PEBP4: variants seen among roughly 807,000 people sequenced by gnomAD.
PEBP4 encodes the protein phosphatidylethanolamine binding protein 4.
PEBP4 carries 22 observed loss-of-function variants against 23.9 expected under a neutral mutation model. That is an observed-to-expected ratio of 0.92 (90% confidence interval 0.66 to 1.31). The LOEUF is 1.31. Among genes scored for constraint, PEBP4 ranks in the 40% most tolerant of loss-of-function variants. PEBP4 has a pLI of 0.00. For synonymous variants in PEBP4, 112 were observed against 99.3 expected, an observed-to-expected ratio of 1.13 and a Z score of -0.76; for missense variants, 324 against 281.7, an observed-to-expected ratio of 1.15 and a Z score of -1.07.
intron 4 of PEBP4, among the ~76,000 whole-genome samples, chr8:22,793,690 T>C (rs182506770): frequency 3.5e-4 from 54 of 152,294 alleles, no homozygotes; most frequent in East Asian, 3.5e-3. Context: ...ATGAGTAGCA[T>C]TGTGGATGAA....
At chr8:22,894,786 G>A (rs1808559780) in intron 3 of PEBP4, among the ~76,000 whole-genome samples, 2 of 152,198 alleles carry the variant, frequency 1.3e-5, no homozygotes, top group Admixed American at 1.3e-4. Context: ...TCTTATGGGA[G>A]ATGGTGTTGA....
intron 2 of PEBP4, among the ~76,000 whole-genome samples, chr8:22,920,566 C>A (rs1327712726): frequency 6.6e-6 from 1 of 152,194 alleles, no homozygotes; most frequent in Non-Finnish European, 1.5e-5. Flanking sequence ...ATGGTCAGAA[C>A]AGAACCTGGC....
At chr8:22,717,851 G>C (rs1804446145) in intron 6 of PEBP4, among the ~76,000 whole-genome samples, 1 of 152,208 alleles carries the variant, frequency 6.6e-6, no homozygotes. Context: ...GCCCCACAGA[G>C]AGCCCGGCTC....
intron 4 of PEBP4, among the ~76,000 whole-genome samples, chr8:22,754,038 G>T (rs902977241): frequency 6.6e-6 from 1 of 152,186 alleles, no homozygotes; most frequent in African/African-American, 2.4e-5. Context: ...GTTGCTGATG[G>T]GGTATGTTCA....
intron 3 of PEBP4, among the ~76,000 whole-genome samples, chr8:22,887,523 C>T (rs148604775): frequency 0.026 from 3,718 of 144,548 alleles, 171 homozygotes; most frequent in African/African-American, 0.09. Context: ...CCCAGCACTT[C>T]AGGAGGCCAA....
chr8:22,846,879 T>C (rs1216560877), intron 3 of PEBP4, among the ~76,000 whole-genome samples: 1 of 152,170 alleles, frequency 6.6e-6, no homozygotes, highest in Non-Finnish European at 1.5e-5. Flanking sequence ...AAGGGGGTCC[T>C]GGCAGGGCAC....
At chr8:22,778,300 C>T (rs1805854169) in intron 4 of PEBP4, among the ~76,000 whole-genome samples, 1 of 152,098 alleles carries the variant, frequency 6.6e-6, no homozygotes, top group African/African-American at 2.4e-5. Context: ...GATCCATGTG[C>T]TTCCATGTGA....
intron 6 of PEBP4, among the ~76,000 whole-genome samples, chr8:22,720,216 G>A (rs1044437566): frequency 6.6e-6 from 1 of 152,214 alleles, no homozygotes; most frequent in Non-Finnish European, 1.5e-5. Flanking sequence ...AGATGTCTGG[G>A]GAGGCACAAC....
intron 3 of PEBP4, chr8:22,884,916 A>C (rs1016448253): frequency 1.3e-5 from 2 of 152,240 alleles, no homozygotes; most frequent in Admixed American, 1.3e-4. Context: ...AGTATGGCCA[A>C]GCTCACCTCT....
intron 3 of PEBP4, among the ~76,000 whole-genome samples, chr8:22,909,960 G>A (rs1808901979): frequency 6.6e-6 from 1 of 152,222 alleles, no homozygotes; most frequent in African/African-American, 2.4e-5. Context: ...ACAGCCAGGG[G>A]ATCCAGGCTC....
intron 4 of PEBP4, among the ~76,000 whole-genome samples, chr8:22,779,674 C>T (rs545604612): frequency 6.6e-5 from 10 of 152,300 alleles, no homozygotes; most frequent in Non-Finnish European, 1.3e-4. Flanking sequence ...TATCTATGAA[C>T]CACTGATATG....
intron 3 of PEBP4, among the ~76,000 whole-genome samples, chr8:22,851,855 T>G (rs1374699027): frequency 6.6e-6 from 1 of 152,004 alleles, no homozygotes; most frequent in Non-Finnish European, 1.5e-5. Context: ...GGCATTTTCG[T>G]ATTGTTAGGA....
intron 4 of PEBP4, among the ~76,000 whole-genome samples, chr8:22,786,853 C>G (rs2128756163): frequency 6.6e-6 from 1 of 150,824 alleles, no homozygotes; most frequent in South Asian, 2.1e-4. Flanking sequence ...CAGGGTCTTG[C>G]TCTTTCACCC....
At chr8:22,910,002 C>G (rs1808903584) in intron 3 of PEBP4, among the ~76,000 whole-genome samples, 1 of 152,230 alleles carries the variant, frequency 6.6e-6, no homozygotes, top group Non-Finnish European at 1.5e-5. Flanking sequence ...TACAACTGTA[C>G]TTTAGAGCAA....
chr8:22,714,687 G>A (rs1183899224), intron 6 of PEBP4, among the ~76,000 whole-genome samples: 1 of 151,992 alleles, frequency 6.6e-6, no homozygotes, highest in African/African-American at 2.4e-5. Context: ...ACAGAAGAGG[G>A]CAAGGGGTTG....
At chr8:22,743,480 G>T (rs11776116) in intron 4 of PEBP4, among the ~76,000 whole-genome samples, 1 of 152,090 alleles carries the variant, frequency 6.6e-6, no homozygotes, top group Non-Finnish European at 1.5e-5. Flanking sequence ...AAACCAGAAG[G>T]GACCATCCTG....
Position 22,716,467 on chromosome 8 carries a change from G to T in PEBP4, c.518-2931C>A, listed in dbSNP as rs188776163. Among the ~76,000 whole-genome samples the T allele has an allele frequency of 1.8e-4, 28 of 152,314 alleles. No homozygotes were observed. The East Asian group carries it at 5.4e-3, about 29-fold the overall frequency. On this transcript the variant is annotated intron_variant, in intron 6 of 6. Coordinates refer to ENST00000256404, the MANE Select transcript of PEBP4 (RefSeq NM_144962.3). ...CTGGCCTCCTATTAGGCTCTAGGGG[G>T]GAAAGATGTCCCCTGTCTTCAGCAG...
chr8:22,914,590 A>G lies in PEBP4; in HGVS notation c.258+5594T>C, dbSNP rs376463827. ...CGTGCGTTTCCTGTGGCCTCACCCA[A>G]CCTCTCTGGCTGGCTGCTGTTGAGC... On this transcript the variant is annotated intron_variant, in intron 3 of 6. Transcript: ENST00000256404. Among the ~76,000 whole-genome samples the G allele has an allele frequency of 3.4e-4, 51 of 152,016 alleles. 1 individual carries two copies. In the South Asian group the frequency reaches 9.8e-3, roughly 29 times the overall value.
At chr8:22,860,062 A>T (rs1317594986) in intron 3 of PEBP4, among the ~76,000 whole-genome samples, 1 of 147,304 alleles carries the variant, frequency 6.8e-6, no homozygotes, top group Non-Finnish European at 1.5e-5. Context: ...GCTGCAAATG[A>T]GCTATGATCA....
Sources: gnomAD v4.1 joint callset for allele counts (sites outside exome capture counted in the v4.1 genomes callset) on GRCh38, gnomAD v4.1.1 for gene constraint, MANE v1.5 for transcripts, NCBI Gene and HGNC (gene_info 2026-07-23, HGNC 2026-07-21) for gene names.